The following IDS variants were observed in gnomAD, a reference collection of about 807,000 sequenced individuals.
IDS encodes alpha-L-iduronate sulfate sulfatase.
IDS carries 1 observed loss-of-function variant against 33.5 expected under a neutral mutation model. The observed-to-expected ratio is 0.03, with a 90% CI of 0.01 to 0.14. The LOEUF (loss-of-function observed/expected upper bound fraction) is 0.14. IDS is among the 10% of genes least tolerant of loss of function. IDS has a pLI of 1.00. For missense variants in IDS, 328 were observed against 448.0 expected (o/e 0.73, Z 2.42); for synonymous variants, 191 against 184.4 (o/e 1.04, Z -0.29).
chrX:149,480,008 G>C lies in IDS; in HGVS notation c.*2738C>G, dbSNP rs2089287486. On this transcript the variant is annotated 3_prime_UTR_variant, in exon 9 of 9. Transcript: ENST00000340855. ...GGGGGGAGCTTGGTAGTGAAAAATG[G>C]TCATGAATGAATGGGTGAAGAGAGG... is the stretch of plus-strand genomic sequence containing the variant. 3.6e-6 allele frequency: 1 copy of C among 280,065 alleles called. No homozygotes were observed. Among genetic ancestry groups the C allele is most frequent in the Admixed American group, 6.3e-5 (1 of 15,860 alleles). 23.1% of individuals were successfully genotyped at this position (280,065 alleles called of 1,213,427 possible). A position where few individuals can be genotyped will look rare whatever the true frequency, so the allele number is the denominator to read the frequency against.
intron 6 of IDS, among the ~76,000 whole-genome samples, chrX:149,493,036 G>A (rs966067135): frequency 2.7e-5 from 3 of 111,573 alleles, no homozygotes; most frequent in South Asian, 3.7e-4. Flanking sequence ...CTGACCACGC[G>A]GAAGCCTATG....
intron 8 of IDS, among the ~76,000 whole-genome samples, chrX:149,486,467 G>T (rs1463660509): frequency 9.0e-6 from 1 of 111,518 alleles, no homozygotes; most frequent in East Asian, 2.8e-4. Flanking sequence ...TACAGATCTA[G>T]TGGTTCACTA....
In IDS at chrX:149,480,113, A is replaced by G. The variant is rs2089288026; in HGVS notation, c.*2633T>C. On this transcript the variant is annotated 3_prime_UTR_variant, in exon 9 of 9. Transcript: ENST00000340855. ...CAGTAGTCATACTGGTCAGCCAAGGAAAGGGGCATTGTGGAGTCAGGGAAG... is the reference window on the plus strand; with the variant it reads ...CAGTAGTCATACTGGTCAGCCAAGGGAAGGGGCATTGTGGAGTCAGGGAAG... 1 of 293,202 alleles carries G rather than the reference A, an allele frequency of 3.4e-6. No homozygotes were observed. The highest frequency in any genetic ancestry group is 2.4e-4 in the South Asian group (1 of 4,146). The allele number at this position is 293,202 out of a possible 1,213,427, so 24.2% of individuals were successfully genotyped here. A position where few individuals can be genotyped will look rare whatever the true frequency, so the allele number is the denominator to read the frequency against.
At chrX:149,490,491 A>G in intron 6 of IDS, 51 bp from the exon 7 acceptor site, 1 of 1,164,774 alleles carries the variant, frequency 8.6e-7, no homozygotes, top group Non-Finnish European at 1.2e-6. Flanking sequence ...TTAAATTGCC[A>G]AGGCATACAG....
intron 8 of IDS, among the ~76,000 whole-genome samples, chrX:149,484,823 G>C (rs1422038058): frequency 1.8e-5 from 2 of 112,089 alleles, no homozygotes; most frequent in Non-Finnish European, 3.8e-5. Context: ...TCATTTTCTA[G>C]ACACTTAATT....
intron 6 of IDS, among the ~76,000 whole-genome samples, chrX:149,494,723 A>G (rs2089421947): frequency 8.9e-6 from 1 of 112,075 alleles, no homozygotes; most frequent in Admixed American, 9.4e-5. Flanking sequence ...GGTCCTAGAT[A>G]CTTCTACATG....
rs1279562504 is a variant in IDS at position 149,480,506 on chromosome X, A to G, written c.*2240T>C. On this transcript the variant is annotated 3_prime_UTR_variant, in exon 9 of 9. Coordinates refer to ENST00000340855, the MANE Select transcript of IDS (RefSeq NM_000202.8). Reference sequence around the variant, plus strand: ...TCTAGGAGTCTCCAAAGAAAATCACAGTCCTGCTGTGTTGCCGAGGCTGGA... The same window carrying G: ...TCTAGGAGTCTCCAAAGAAAATCACGGTCCTGCTGTGTTGCCGAGGCTGGA... 1 of 294,894 alleles carries G rather than the reference A, an allele frequency of 3.4e-6. No homozygotes were observed. Among genetic ancestry groups the G allele is most frequent in the Admixed American group, 6.1e-5 (1 of 16,324 alleles). 24.3% of individuals were successfully genotyped at this position (294,894 alleles called of 1,213,427 possible).
chrX:149,498,075 T>G lies in IDS; in HGVS notation c.708+32A>C, dbSNP rs2089449737. 3.5e-6 allele frequency: 4 copies of G among 1,138,366 alleles called. No individual in the cohort carries two copies. The East Asian group carries it at 8.9e-5, about 25-fold the overall frequency. 93.8% of individuals were successfully genotyped at this position (1,138,366 alleles called of 1,213,427 possible). A position where few individuals can be genotyped will look rare whatever the true frequency, so the allele number is the denominator to read the frequency against. On this transcript the variant is annotated intron_variant, in intron 5 of 8. Coordinates refer to ENST00000340855, the MANE Select transcript of IDS (RefSeq NM_000202.8). ...CAACAAACAACACAGCTGTCACAGC[T>G]GTGCTGGATCAGCCCTCAACCAGCT...
At chrX:149,498,882 T>A (rs1041981611) in intron 4 of IDS, among the ~76,000 whole-genome samples, 3 of 112,571 alleles carry the variant, frequency 2.7e-5, no homozygotes, top group Non-Finnish European at 5.6e-5. Flanking sequence ...TGGCAATTCC[T>A]CAAACAGTTA....
intron 8 of IDS, among the ~76,000 whole-genome samples, chrX:149,485,153 T>C (rs949508699): frequency 2.7e-5 from 3 of 111,991 alleles, no homozygotes; most frequent in Admixed American, 9.4e-5. Flanking sequence ...GGCCAGAACA[T>C]GTAAGGCCAC....
intron 3 of IDS, 152 bp from the exon 4 acceptor site, chrX:149,501,189 T>A: frequency 2.2e-6 from 1 of 460,592 alleles, no homozygotes; most frequent in Non-Finnish European, 3.8e-6. Context: ...AAAGCCAAAC[T>A]CTCTAGTTTC....
At chrX:149,483,819 C>G (rs920438139) in intron 8 of IDS, among the ~76,000 whole-genome samples, 9 of 112,147 alleles carry the variant, frequency 8.0e-5, no homozygotes, top group Non-Finnish European at 1.7e-4. Flanking sequence ...TTTCTCCATC[C>G]TCACCCAGCA....
At chrX:149,504,986 AAGGG>A (rs782006636) in intron 1 of IDS, 45 bp downstream of exon 1, 153 of 880,582 alleles carry the variant, frequency 1.7e-4, no homozygotes, top group Non-Finnish European at 2.1e-4. Flanking sequence ...AGGAGGAAGG[AAGGG>A]AGGGAGGAAG....
intron 7 of IDS, 102 bp downstream of exon 7, chrX:149,490,199 CCACTGGTTCACAA>C: frequency 1.5e-6 from 1 of 680,014 alleles, no homozygotes; most frequent in Non-Finnish European, 2.2e-6. Flanking sequence ...TGTTTGTGAA[CCACTGGTTCACAA>C]AAGAGAACAC....
intron 4 of IDS, chrX:149,499,191 T>C (rs2089459640): frequency 9.1e-6 from 1 of 110,180 alleles, no homozygotes. Flanking sequence ...CCGTCTCTAC[T>C]AAAAATACAA....
Position 149,502,801 on chromosome X carries a change from C to T in IDS, c.418+511G>A, listed in dbSNP as rs2089490840. 3 of 180,545 alleles carry T rather than the reference C, an allele frequency of 1.7e-5. No individual in the cohort carries two copies. The Admixed American group carries it at 2.1e-4, about 13-fold the overall frequency. The allele number at this position is 180,545 out of a possible 1,213,427, so 14.9% of individuals were successfully genotyped here. A position where few individuals can be genotyped will look rare whatever the true frequency, so the allele number is the denominator to read the frequency against. On this transcript the variant is annotated intron_variant, in intron 3 of 8. Coordinates refer to ENST00000340855, the MANE Select transcript of IDS (RefSeq NM_000202.8). ...AGGTAAGGAATGTCCGTCTCTGGGA[C>T]CCTATAGATCCTGGGTACCAGATTA...
chrX:149,496,619 G>A (rs1322506742), intron 5 of IDS, 103 bp from the exon 6 acceptor site: 1 of 870,896 alleles, frequency 1.1e-6, no homozygotes, highest in East Asian at 3.2e-5. Flanking sequence ...AGCCTGGGAT[G>A]CATTTGAGTG....
chrX:149,492,873 T>TG (rs1557338880), intron 6 of IDS, among the ~76,000 whole-genome samples: 3 of 108,789 alleles, frequency 2.8e-5, no homozygotes, highest in Non-Finnish European at 5.7e-5. Context: ...CAAGCAGACA[T>TG]GGGGGCAGGG....
intron 6 of IDS, among the ~76,000 whole-genome samples, chrX:149,491,317 GAACAGCCA>G (rs2089389296): frequency 8.9e-6 from 1 of 112,511 alleles, no homozygotes; most frequent in Non-Finnish European, 1.9e-5. Context: ...GGCACTTTGG[GAACAGCCA>G]GATCATGCCC....
Sources: allele counts gnomAD v4.1 joint callset (sites outside exome capture counted in the v4.1 genomes callset), GRCh38; gene constraint gnomAD v4.1.1; transcripts MANE v1.5; gene names NCBI Gene and HGNC (gene_info 2026-07-23, HGNC 2026-07-21).